The following BSN variants were observed in gnomAD, a reference collection of about 807,000 sequenced individuals.
The protein encoded by BSN is bassoon presynaptic cytomatrix protein, also known as protein bassoon.
Under a neutral mutation model 264.8 loss-of-function variants are expected in BSN, and 57 were observed. That is an observed-to-expected ratio of 0.22 (90% CI 0.17 to 0.27). BSN has a LOEUF of 0.27. Ranked by LOEUF, BSN falls within the 10% of genes least tolerant of loss-of-function variation. The pLI is 1.00. For synonymous variants in BSN, 2,059 were observed against 2,137.3 expected (o/e 0.96, Z 1.01); for missense variants, 4,615 against 5,232.5 (o/e 0.88, Z 3.64).
intron 1 of BSN, among the ~76,000 whole-genome samples, chr3:49,617,972 G>A (rs1026285883): frequency 6.6e-6 from 1 of 152,150 alleles, no homozygotes; most frequent in African/African-American, 2.4e-5. Flanking sequence ...ATGGGGCATT[G>A]TTGAGTGCTC....
Position 49,643,024 on chromosome 3 carries a change from A to T in BSN, c.1390A>T (p.Ile464Phe). ...KPKTMPKERA[I>F]CPLCQAELNV... Reference sequence around the variant, plus strand: ...AAAGACCATGCCGAAGGAAAGGGCCATCTGCCCACTGTGCCAAGCCGAGCT... The same window carrying T: ...AAAGACCATGCCGAAGGAAAGGGCCTTCTGCCCACTGTGCCAAGCCGAGCT... The change falls in exon 3 of 12, where the codon ATC becomes TTC. Residue 464 changes from isoleucine (I) to phenylalanine (F), a missense_variant. Ile to Phe is a conservative substitution (Grantham distance 21). Around this residue, in one of 3 missense-constraint regions of BSN, gnomAD observed 1,197 missense variants for 1,348.0 expected, o/e 0.89. Transcript: ENST00000296452. The T allele has an allele frequency of 6.2e-7, 1 of 1,614,104 alleles. No homozygotes were observed. Among genetic ancestry groups the T allele is most frequent in the Non-Finnish European group, 8.5e-7 (1 of 1,180,036 alleles).
rs2052592197 is a variant in BSN at position 49,655,628 on chromosome 3, C to T, written c.6072C>T (p.Ser2024=). 6.2e-7 allele frequency: 1 copy of T among 1,613,730 alleles called. No individual in the cohort carries two copies. Among genetic ancestry groups the T allele is most frequent in the South Asian group, 1.1e-5 (1 of 91,084 alleles). ...TCAGCTCACTGAAGCACTCCTACAG[C>T]CTGGGCTTTGCGGATGGACGCTACC... The part of the protein sequence containing the change: ...MDLSSLKHSY[S]LGFADGRYLG... Residue 2024 remains serine (S), a synonymous_variant, in exon 5 of 12, where the codon AGC becomes AGT. Transcript: ENST00000296452.
chr3:49,599,661 C>T (rs1282366975), intron 1 of BSN, among the ~76,000 whole-genome samples: 1 of 152,114 alleles, frequency 6.6e-6, no homozygotes, highest in Admixed American at 6.6e-5. Context: ...GGACAATTTC[C>T]AGAGACTTTA....
intron 1 of BSN, among the ~76,000 whole-genome samples, chr3:49,584,746 T>C (rs1170615268): frequency 6.6e-6 from 1 of 152,196 alleles, no homozygotes; most frequent in Non-Finnish European, 1.5e-5. Flanking sequence ...ACTATTTTTT[T>C]GTGTACCCAT....
At chr3:49,575,785 T>G (rs1356974022) in intron 1 of BSN, among the ~76,000 whole-genome samples, 3 of 151,812 alleles carry the variant, frequency 2.0e-5, no homozygotes, top group Admixed American at 2.0e-4. Context: ...CATCTCCACC[T>G]TGGGTCAACT....
chr3:49,605,722 A>ATTATATAT (rs2052126918), intron 1 of BSN, among the ~76,000 whole-genome samples: 6 of 56,070 alleles, frequency 1.1e-4, no homozygotes, highest in Non-Finnish European at 1.2e-4. Flanking sequence ...TATAACATAT[A>ATTATATAT]AATGTATATA....
chr3:49,579,952 T>G (rs1026521694), intron 1 of BSN, among the ~76,000 whole-genome samples: 2 of 152,174 alleles, frequency 1.3e-5, no homozygotes, highest in African/African-American at 4.8e-5. Flanking sequence ...AAAAATTCAT[T>G]TGGTTATTAT....
In BSN at chr3:49,657,207, A is replaced by C; in HGVS notation, c.7651A>C (p.Ser2551Arg). The change falls in exon 5 of 12, where the codon AGT becomes CGT. Residue 2551 changes from serine to arginine, a missense_variant. By Grantham distance (110) the Ser-to-Arg change is moderately radical. This residue lies in a region of BSN where 3,415 missense variants were observed against 3,866.4 expected (regional missense o/e 0.88). Coordinates refer to ENST00000296452, the MANE Select transcript of BSN (RefSeq NM_003458.4). Reference protein sequence around the residue: ...QTEEQWEASRSGIKKRHSMPR... With the variant: ...QTEEQWEASRRGIKKRHSMPR... ...GGAGGAGCAGTGGGAGGCCAGCCGTAGTGGCATCAAGAAGCGGCACTCCAT... is the reference window on the plus strand; with the variant it reads ...GGAGGAGCAGTGGGAGGCCAGCCGTCGTGGCATCAAGAAGCGGCACTCCAT... The C allele has an allele frequency of 6.2e-7, 1 of 1,613,436 alleles. No individual in the cohort carries two copies. Among genetic ancestry groups the C allele is most frequent in the Non-Finnish European group, 8.5e-7 (1 of 1,180,046 alleles).
intron 1 of BSN, among the ~76,000 whole-genome samples, chr3:49,608,803 G>A (rs897324719): frequency 9.2e-5 from 14 of 151,906 alleles, no homozygotes; most frequent in South Asian, 2.1e-4. Context: ...ACTCTAGCCT[G>A]GGTGATAGAG....
intron 1 of BSN, among the ~76,000 whole-genome samples, chr3:49,613,416 T>A (rs1456601419): frequency 6.6e-6 from 1 of 150,770 alleles, no homozygotes; most frequent in Non-Finnish European, 1.5e-5. Flanking sequence ...GCTATATCTC[T>A]GAAGTCCTGA....
rs2108103148 is a variant in BSN, at chr3:49,667,140, T to C, written c.*105-450T>C. On this transcript the variant is annotated intron_variant, in intron 11 of 11. Transcript: ENST00000296452. ...GTTGGGCCACTGAGACCACTGACTT[T>C]ATAGTTAAAGAAATCTCCCTTGAGT... 2.0e-5 allele frequency among the ~76,000 whole-genome samples: 3 copies of C among 152,280 alleles called. No individual in the cohort carries two copies. The South Asian group carries it at 6.2e-4, about 32-fold the overall frequency.
chr3:49,624,318 A>G (rs868102246), intron 1 of BSN, among the ~76,000 whole-genome samples: 3 of 6,786 alleles, frequency 4.4e-4, no homozygotes, highest in Admixed American at 2.0e-3. Context: ...TTTTTTTTTT[A>G]GACAGGGTCT....
chr3:49,606,195 TAC>T (rs1267504199), intron 1 of BSN, among the ~76,000 whole-genome samples: 26 of 43,394 alleles, frequency 6.0e-4, no homozygotes, highest in African/African-American at 2.4e-3. Flanking sequence ...ATATTATATA[TAC>T]ATATATTATA....
Position 49,654,228 on chromosome 3 carries a change from GTCA to G in BSN, c.4676_4678del (p.Ile1559del), listed in dbSNP as rs1172556398. The G allele has an allele frequency of 2.5e-6, 4 of 1,613,640 alleles. No individual in the cohort carries two copies. The African/African-American group carries it at 4.0e-5, about 16-fold the overall frequency. ...GTCCTCTCAAGAGGCTCCCTTTATG[GTCA>G]TCACGCTGGCATCTGACGCCTCCAG... On this transcript the variant is annotated inframe_deletion, in exon 5 of 12. Transcript: ENST00000296452. This position sits in a 1 kb window ranked among gnomAD's most constrained non-coding sequence, Gnocchi z 4.1.
intron 1 of BSN, among the ~76,000 whole-genome samples, chr3:49,624,127 A>T (rs1286478917): frequency 2.0e-5 from 3 of 146,614 alleles, no homozygotes; most frequent in African/African-American, 7.6e-5. Context: ...CAGCCTCCCA[A>T]GTAGCTGGGC....
rs1284468242 is a variant in BSN, at chr3:49,660,646, C to T, written c.8801C>T (p.Pro2934Leu). 3 of 1,613,068 alleles carry T rather than the reference C, an allele frequency of 1.9e-6. No homozygotes were observed. The African/African-American group carries it at 4.0e-5, about 22-fold the overall frequency. Residue 2934 changes from proline (P) to leucine (L), a missense_variant, in exon 6 of 12, where the codon CCT (proline) becomes CTT (leucine). By Grantham distance (98) the Pro-to-Leu change is moderately conservative. Transcript: ENST00000296452. This position sits in a 1 kb window ranked among gnomAD's most constrained non-coding sequence, Gnocchi z 7.1. ...QRGLTGPTTV[P>L]ATKASLLREL... is the part of the protein sequence containing the mutation. ...GGGCTGACGGGGCCCACCACTGTCC[C>T]TGCTACCAAGGCCAGCCTGCTCCGG... is the stretch of plus-strand genomic sequence containing the variant.
rs1052173202 is a variant in BSN at position 49,585,368 on chromosome 3, T to C, written c.224+30542T>C. On this transcript the variant is annotated intron_variant, in intron 1 of 11. Transcript: ENST00000296452. This position sits in a 1 kb window ranked among gnomAD's most constrained non-coding sequence, Gnocchi z 4.7. ...TCTTCTGCACATATTTCACTAATTA[T>C]TTCCTCTCGGAACTCCTCCCCTCGT... Among the ~76,000 whole-genome samples, 4 of 152,170 alleles carry C rather than the reference T, an allele frequency of 2.6e-5. No individual in the cohort carries two copies. Among genetic ancestry groups the C allele is most frequent in the Admixed American group, 1.3e-4 (2 of 15,282 alleles).
intron 1 of BSN, among the ~76,000 whole-genome samples, chr3:49,605,356 A>G (rs1170462474): frequency 2.4e-5 from 2 of 82,214 alleles, no homozygotes; most frequent in East Asian, 3.1e-4. Flanking sequence ...ATAAATATAT[A>G]TTTATAAATA....
chr3:49,664,936 G>A (rs1041057691), intron 10 of BSN, 83 bp downstream of exon 10: 2 of 1,058,574 alleles, frequency 1.9e-6, no homozygotes, highest in East Asian at 2.4e-5. Context: ...AAGTCCGAAG[G>A]GGTCCTCTGG....
Sources: allele counts gnomAD v4.1 joint callset (sites outside exome capture counted in the v4.1 genomes callset), GRCh38; gene constraint gnomAD v4.1.1; regional missense constraint gnomAD v4.1.1; non-coding constraint Gnocchi (gnomAD v3.1); transcripts MANE v1.5; gene names NCBI Gene and HGNC (gene_info 2026-07-23, HGNC 2026-07-21).